The following DYNC2I1 variants were observed in gnomAD, a reference collection of about 807,000 sequenced individuals.
DYNC2I1 encodes dynein 2 intermediate chain 1, also known as cytoplasmic dynein 2 intermediate chain 1.
A neutral mutation model predicts 133.4 loss-of-function variants in DYNC2I1; 89 were observed. The ratio of observed to expected loss-of-function variants is 0.67; its 90% CI spans 0.56 to 0.80. DYNC2I1 has a LOEUF of 0.80. Ranked by LOEUF, DYNC2I1 falls within the 30% of genes least tolerant of loss-of-function variation. The pLI, the probability that DYNC2I1 is intolerant of heterozygous loss-of-function variation, is 0.00. For missense variants in DYNC2I1, 1,291 were observed against 1,314.5 expected, an observed-to-expected ratio of 0.98 and a Z score of 0.28; for synonymous variants, 504 against 484.3, an observed-to-expected ratio of 1.04 and a Z score of -0.54.
At chr7:158,861,397 C>T (rs986073512) in intron 1 of DYNC2I1, among the ~76,000 whole-genome samples, 2 of 152,158 alleles carry the variant, frequency 1.3e-5, no homozygotes, top group Admixed American at 1.3e-4. Context: ...CCGGGTTCTC[C>T]CCTAAAACAC....
At chr7:158,957,681 T>C (rs185619878), downstream of DYNC2I1, among the ~76,000 whole-genome samples, 142 of 152,284 alleles carry the variant, frequency 9.3e-4, no homozygotes, top group Non-Finnish European at 1.7e-3. Context: ...TGTGATTATC[T>C]GCTGCAGACG....
chr7:158,915,476 C>G (rs1194236391), intron 14 of DYNC2I1, among the ~76,000 whole-genome samples: 948 of 145,520 alleles, frequency 6.5e-3, no homozygotes, highest in East Asian at 9.1e-3. Context: ...CGCTGGTTGA[C>G]ATTAAGGATG....
At chr7:158,952,522 T>C (rs181641744) in intron 4 of DYNC2I1, among the ~76,000 whole-genome samples, 27 of 152,220 alleles carry the variant, frequency 1.8e-4, no homozygotes, top group Admixed American at 1.8e-3. Flanking sequence ...TTTGGTGGGC[T>C]CTTTACAGCC....
chr7:158,947,491 C>T (rs955520664), downstream of DYNC2I1, among the ~76,000 whole-genome samples: 19 of 152,236 alleles, frequency 1.2e-4, no homozygotes, highest in Admixed American at 1.3e-4. Context: ...GTTCACAGTT[C>T]GTTCTCTGTC....
intron 23 of DYNC2I1, 124 bp downstream of exon 23, chr7:158,934,673 T>C (rs1850571907): frequency 3.0e-6 from 3 of 1,009,134 alleles, no homozygotes; most frequent in Middle Eastern, 6.5e-4. Context: ...CTTGAACTCC[T>C]GGGCTCAAAT....
chr7:158,842,957 G>T, the DYNC2I1 span, among the ~76,000 whole-genome samples: 1 of 152,224 alleles, frequency 6.6e-6, no homozygotes, highest in Non-Finnish European at 1.5e-5. Flanking sequence ...CTTAACACAG[G>T]ATTTGAGATT....
Position 158,930,041 on chromosome 7 carries a change from T to C in DYNC2I1, c.2486-414T>C, listed in dbSNP as rs539010822. ...GCAGATTTCTGAGTCTCTGGGATGG[T>C]GGAGAGAGAGGTCCTGCAAGTTTCC... On this transcript the variant is annotated intron_variant, in intron 20 of 24. Transcript: ENST00000407559. Among the ~76,000 whole-genome samples, 9 of 152,262 alleles carry C rather than the reference T, an allele frequency of 5.9e-5. No individual in the cohort carries two copies. In the East Asian group the frequency reaches 1.7e-3, roughly 29 times the overall value.
intron 8 of DYNC2I1, among the ~76,000 whole-genome samples, chr7:158,894,466 G>T (rs889119732): frequency 6.6e-6 from 1 of 152,150 alleles, no homozygotes; most frequent in Non-Finnish European, 1.5e-5. Context: ...TTCCAGATTG[G>T]CTTCTTTCAT....
In DYNC2I1 at chr7:158,871,127, G is replaced by A; in HGVS notation, c.70-15G>A. ...CCTTCCTGGTCACGGAGGACCCTTTGTTCTCTTGTTTCAGGCCATACAGTC... is the reference window on the plus strand; with the variant it reads ...CCTTCCTGGTCACGGAGGACCCTTTATTCTCTTGTTTCAGGCCATACAGTC... On this transcript the variant is annotated splice_polypyrimidine_tract_variant and intron_variant, in intron 2 of 24. Transcript: ENST00000407559. 3 of 1,602,618 alleles carry A rather than the reference G, an allele frequency of 1.9e-6. No individual in the cohort carries two copies. Among genetic ancestry groups the A allele is most frequent in the Non-Finnish European group, 2.6e-6 (3 of 1,175,354 alleles).
At chr7:158,957,831 T>G (rs918978553), downstream of DYNC2I1, among the ~76,000 whole-genome samples, 4 of 152,164 alleles carry the variant, frequency 2.6e-5, no homozygotes, top group Admixed American at 6.5e-5. Flanking sequence ...ACAAGGGCTG[T>G]TTAGCTACGT....
At chr7:158,891,873 G>C (rs950610709) in intron 8 of DYNC2I1, among the ~76,000 whole-genome samples, 45 of 114,366 alleles carry the variant, frequency 3.9e-4, no homozygotes, top group African/African-American at 1.3e-3. Context: ...AATTGCGGAC[G>C]GGGCCTCTGA....
At chr7:158,867,813 C>T (rs934261943) in intron 1 of DYNC2I1, among the ~76,000 whole-genome samples, 11 of 152,170 alleles carry the variant, frequency 7.2e-5, no homozygotes, top group Middle Eastern at 3.4e-3. Context: ...TGAGAGCAAG[C>T]GGGCACCACA....
intron 8 of DYNC2I1, among the ~76,000 whole-genome samples, chr7:158,898,169 A>C (rs1256422036): frequency 6.6e-6 from 1 of 152,184 alleles, no homozygotes; most frequent in African/African-American, 2.4e-5. Flanking sequence ...ATGGGCTATC[A>C]TGGTGAATTA....
chr7:158,890,636 C>T (rs148800126), intron 7 of DYNC2I1, among the ~76,000 whole-genome samples: 41 of 151,466 alleles, frequency 2.7e-4, no homozygotes, highest in African/African-American at 9.0e-4. Flanking sequence ...TCGCTCTTGT[C>T]GCACAGGCTG....
chr7:158,852,398 G>A (rs1220272871), upstream of DYNC2I1, among the ~76,000 whole-genome samples: 1 of 151,722 alleles, frequency 6.6e-6, no homozygotes, highest in African/African-American at 2.4e-5. Flanking sequence ...GGGATTACAG[G>A]CATGAGCCAC....
At chr7:158,929,845 C>G (rs544639294) in intron 20 of DYNC2I1, among the ~76,000 whole-genome samples, 1 of 152,314 alleles carries the variant, frequency 6.6e-6, no homozygotes, top group East Asian at 1.9e-4. Flanking sequence ...GAGGAGCCAG[C>G]GCTGTAGCCA....
intron 13 of DYNC2I1, among the ~76,000 whole-genome samples, chr7:158,913,541 TAAG>T (rs1847701343): frequency 6.6e-6 from 1 of 152,238 alleles, no homozygotes; most frequent in Non-Finnish European, 1.5e-5. Context: ...TGGTTTCTGC[TAAG>T]TACTCTGGAG....
At chr7:158,930,634 A>G (rs1261977133) in intron 21 of DYNC2I1, 119 bp downstream of exon 21, 3 of 790,648 alleles carry the variant, frequency 3.8e-6, no homozygotes, top group South Asian at 1.9e-5. Flanking sequence ...ATTTTCTCAC[A>G]TTGTTTTTTT....
At chr7:158,958,347 C>T (rs1852253164), downstream of DYNC2I1, among the ~76,000 whole-genome samples, 1 of 152,238 alleles carries the variant, frequency 6.6e-6, no homozygotes, top group South Asian at 2.1e-4. Flanking sequence ...AGCCACCTAC[C>T]GACCAGAGAT....
Sources: allele counts gnomAD v4.1 joint callset (sites outside exome capture counted in the v4.1 genomes callset), GRCh38; gene constraint gnomAD v4.1.1; transcripts MANE v1.5; gene names NCBI Gene and HGNC (gene_info 2026-07-23, HGNC 2026-07-21).